The following FOXRED2 variants were observed in gnomAD, a reference collection of about 807,000 sequenced individuals.
The protein encoded by FOXRED2 is FAD dependent oxidoreductase domain containing 2, also known as FAD-dependent oxidoreductase domain-containing protein 2.
Under a neutral mutation model 52.5 loss-of-function variants are expected in FOXRED2, and 32 were observed. That is an observed-to-expected ratio of 0.61 (90% confidence interval 0.46 to 0.82). The LOEUF (loss-of-function observed/expected upper bound fraction) is 0.82, where lower values mean the gene tolerates loss of function less well. FOXRED2 is among the 40% of genes least tolerant of loss of function. FOXRED2 has a pLI of 0.00. For missense variants in FOXRED2, 848 were observed against 937.5 expected (o/e 0.90, Z 1.25); for synonymous variants, 405 against 398.1 (o/e 1.02, Z -0.21).
intron 2 of FOXRED2, among the ~76,000 whole-genome samples, chr22:36,505,204 T>C (rs1276971856): frequency 1.3e-5 from 2 of 152,230 alleles, no homozygotes; most frequent in Admixed American, 1.3e-4. Flanking sequence ...CCAGGCCCTG[T>C]ACTAAGTGTA....
chr22:36,506,387 G>A lies in FOXRED2; in HGVS notation c.36C>T (p.Pro12=), dbSNP rs1934201456. The A allele has an allele frequency of 6.9e-7, 1 of 1,441,476 alleles. No homozygotes were observed. Among genetic ancestry groups the A allele is most frequent in the Non-Finnish European group, 9.1e-7 (1 of 1,102,844 alleles). 89.3% of individuals were successfully genotyped at this position (1,441,476 alleles called of 1,614,324 possible). ...GGGCGATGGCCAGGAGCAGCCCCGG[G>A]GGACCCCACAACGGGGCCGCAGCGG... ...GLSAAAPLWG[P]PGLLLAIALH... Residue 12 remains proline (P), a synonymous_variant, in exon 2 of 9, where the codon CCC becomes CCT. Coordinates refer to ENST00000397224, the MANE Select transcript of FOXRED2 (RefSeq NM_001102371.2).
At chr22:36,496,524 AG>A (rs1933902752) in intron 6 of FOXRED2, among the ~76,000 whole-genome samples, 1 of 152,160 alleles carries the variant, frequency 6.6e-6, no homozygotes, top group Admixed American at 6.5e-5. Context: ...GACGTGGCTG[AG>A]GGGAGTGAAC....
intron 2 of FOXRED2, among the ~76,000 whole-genome samples, chr22:36,505,065 T>C (rs1343183072): frequency 2.6e-5 from 4 of 152,146 alleles, no homozygotes; most frequent in African/African-American, 9.7e-5. Context: ...AAATGGAGAA[T>C]TCACCTAACT....
chr22:36,489,374 C>G lies in FOXRED2; in HGVS notation c.*634G>C, dbSNP rs1250628961. 6.6e-6 allele frequency: 1 copy of G among 152,240 alleles called. No homozygotes were observed. Among genetic ancestry groups the G allele is most frequent in the Non-Finnish European group, 1.5e-5 (1 of 68,064 alleles). The allele number at this position is 152,240 out of a possible 1,614,324, so 9.4% of individuals were successfully genotyped here. ...GCTGGGCCTATGATGATAAGCAGGG[C>G]TGACCCTCTTGGGCTCTGTAGCTAA... On this transcript the variant is annotated 3_prime_UTR_variant, in exon 9 of 9. Coordinates refer to ENST00000397224, the MANE Select transcript of FOXRED2 (RefSeq NM_001102371.2).
Position 36,489,963 on chromosome 22 carries a change from G to A in FOXRED2, c.*45C>T, listed in dbSNP as rs1222837147. The stretch of plus-strand genomic sequence containing the variant: ...GAAAGAGGGACTGACCATGGGCCTA[G>A]GTGGGGAGGCCTGGCCACTGTGCCC... On this transcript the variant is annotated 3_prime_UTR_variant, in exon 9 of 9. Coordinates refer to ENST00000397224, the MANE Select transcript of FOXRED2 (RefSeq NM_001102371.2). 7 of 1,512,406 alleles carry A rather than the reference G, an allele frequency of 4.6e-6. No homozygotes were observed. The Admixed American group carries it at 1.3e-4, about 28-fold the overall frequency. The allele number at this position is 1,512,406 out of a possible 1,614,324, so 93.7% of individuals were successfully genotyped here.
intron 8 of FOXRED2, among the ~76,000 whole-genome samples, chr22:36,491,556 C>T (rs1933756264): frequency 6.6e-6 from 1 of 152,094 alleles, no homozygotes; most frequent in South Asian, 2.1e-4. Context: ...GTGCCCGCCA[C>T]CACGCTCAGC....
At chr22:36,505,449 T>C (rs1444745716) in intron 2 of FOXRED2, among the ~76,000 whole-genome samples, 1 of 152,162 alleles carries the variant, frequency 6.6e-6, no homozygotes, top group Admixed American at 6.6e-5. Flanking sequence ...TGCAGAAGAA[T>C]GCTTTGATCA....
chr22:36,506,428 A>G lies in FOXRED2; in HGVS notation c.-1-5T>C. ...GCCGCAGCGGAGAGGCCCATCCTGC[A>G]GCAGATCAGAGGGGTAAGGCCTCGC... On this transcript the variant is annotated splice_polypyrimidine_tract_variant and splice_region_variant and intron_variant, in intron 1 of 8. Coordinates refer to ENST00000397224, the MANE Select transcript of FOXRED2 (RefSeq NM_001102371.2). 7.0e-7 allele frequency: 1 copy of G among 1,433,394 alleles called. No individual in the cohort carries two copies. 88.8% of individuals were successfully genotyped at this position (1,433,394 alleles called of 1,614,324 possible). A position where few individuals can be genotyped will look rare whatever the true frequency, so the allele number is the denominator to read the frequency against.
At chr22:36,506,565 T>A (rs1313928344) in intron 1 of FOXRED2, 142 bp from the exon 2 acceptor site, 20 of 774,872 alleles carry the variant, frequency 2.6e-5, no homozygotes, top group Non-Finnish European at 3.8e-5. Context: ...AGAGCTCATT[T>A]GCCCGGACTC....
chr22:36,492,682 A>T (rs899217914), intron 8 of FOXRED2, among the ~76,000 whole-genome samples: 1 of 152,108 alleles, frequency 6.6e-6, no homozygotes, highest in African/African-American at 2.4e-5. Flanking sequence ...GCCCCCAGCT[A>T]ATTTTTCTAC....
intron 7 of FOXRED2, among the ~76,000 whole-genome samples, chr22:36,494,535 T>C (rs1534911): frequency 0.8 from 121,989 of 152,240 alleles, 50,127 homozygotes; most frequent in African/African-American, 0.9. Context: ...TCTGTGGTGT[T>C]CCAGTCAGAT....
At chr22:36,502,354 T>C (rs1251676187) in intron 4 of FOXRED2, among the ~76,000 whole-genome samples, 1 of 152,140 alleles carries the variant, frequency 6.6e-6, no homozygotes, top group Non-Finnish European at 1.5e-5. Context: ...ATACCAAACC[T>C]CCCGAGGTAG....
In FOXRED2 at chr22:36,504,660, C is replaced by A. The variant is rs764684253; in HGVS notation, c.634G>T (p.Val212Leu). Reference sequence around the variant, plus strand: ...CCCAGGATCAGCACATTCTGGCCTACAAAGTCCTCAGGGTCCACGGACACG... The same window carrying A: ...CCCAGGATCAGCACATTCTGGCCTAAAAAGTCCTCAGGGTCCACGGACACG... ...ESVSVDPEDF[V>L]GQNVLILGRG... is the part of the protein sequence containing the mutation. The change falls in exon 3 of 9, where the codon GTA becomes TTA. Residue 212 changes from valine to leucine, a missense_variant. Transcript: ENST00000397224. 1 of 1,614,200 alleles carries A rather than the reference C, an allele frequency of 6.2e-7. No homozygotes were observed. The highest frequency in any genetic ancestry group is 1.1e-5 in the South Asian group (1 of 91,086).
At chr22:36,500,988 C>T (rs1343537063) in intron 5 of FOXRED2, among the ~76,000 whole-genome samples, 2 of 152,068 alleles carry the variant, frequency 1.3e-5, no homozygotes, top group East Asian at 3.8e-4. Context: ...TTCCTGGACT[C>T]AAGGGATCCT....
At chr22:36,500,282 T>C (rs890490411) in intron 5 of FOXRED2, among the ~76,000 whole-genome samples, 1 of 152,070 alleles carries the variant, frequency 6.6e-6, no homozygotes, top group South Asian at 2.1e-4. Flanking sequence ...TTGAGGAAAA[T>C]GGAGATTTCA....
intron 5 of FOXRED2, among the ~76,000 whole-genome samples, chr22:36,500,268 A>G (rs1934009164): frequency 6.6e-6 from 1 of 152,116 alleles, no homozygotes; most frequent in Non-Finnish European, 1.5e-5. Context: ...AGAGTTTTAC[A>G]CTCTTGAGGA....
chr22:36,504,775 G>C lies in FOXRED2; in HGVS notation c.528-9C>G. ...TGGCTACAAAGAGGACGCTGCAGGC[G>C]GGGACAGAGGAAAGATGGCTTAGTC... is the stretch of plus-strand genomic sequence containing the variant. On this transcript the variant is annotated splice_polypyrimidine_tract_variant and intron_variant, in intron 2 of 8. Coordinates refer to ENST00000397224, the MANE Select transcript of FOXRED2 (RefSeq NM_001102371.2). 4 of 1,613,174 alleles carry C rather than the reference G, an allele frequency of 2.5e-6. No homozygotes were observed. Among genetic ancestry groups the C allele is most frequent in the Non-Finnish European group, 3.4e-6 (4 of 1,179,344 alleles).
In FOXRED2 at chr22:36,489,955, T is replaced by G; in HGVS notation, c.*53A>C. 6.7e-7 allele frequency: 1 copy of G among 1,497,186 alleles called. No individual in the cohort carries two copies. Among genetic ancestry groups the G allele is most frequent in the South Asian group, 1.3e-5 (1 of 74,208 alleles). 92.7% of individuals were successfully genotyped at this position (1,497,186 alleles called of 1,614,324 possible). A position where few individuals can be genotyped will look rare whatever the true frequency, so the allele number is the denominator to read the frequency against. ...GTTGCGGGGAAAGAGGGACTGACCA[T>G]GGGCCTAGGTGGGGAGGCCTGGCCA... On this transcript the variant is annotated 3_prime_UTR_variant, in exon 9 of 9. Coordinates refer to ENST00000397224, the MANE Select transcript of FOXRED2 (RefSeq NM_001102371.2).
chr22:36,506,617 G>GC (rs1934207771), intron 1 of FOXRED2, 194 bp from the exon 2 acceptor site: 2 of 516,912 alleles, frequency 3.9e-6, no homozygotes, highest in Non-Finnish European at 3.3e-6. Context: ...GGAATCCCGA[G>GC]CCCCTCCATC....
Sources: gnomAD v4.1 joint callset for allele counts (sites outside exome capture counted in the v4.1 genomes callset) on GRCh38, gnomAD v4.1.1 for gene constraint, MANE v1.5 for transcripts, NCBI Gene and HGNC (gene_info 2026-07-23, HGNC 2026-07-21) for gene names.